Variants in NCOA1 observed in about 807,000 individuals in gnomAD.
The protein encoded by NCOA1 is nuclear receptor coactivator 1.
In NCOA1, 35 loss-of-function variants were observed where a neutral mutation model predicts 150.9. The ratio of observed to expected loss-of-function variants is 0.23; its 90% CI spans 0.18 to 0.31. The LOEUF (loss-of-function observed/expected upper bound fraction) is 0.31, where lower values mean the gene tolerates loss of function less well. Ranked by LOEUF, NCOA1 falls within the 10% of genes least tolerant of loss-of-function variation. The probability of loss-of-function intolerance (pLI) is 1.00; values close to 1 mark genes in which losing one functional copy is unlikely to be tolerated. For missense variants in NCOA1, 1,491 were observed against 1,749.3 expected, an observed-to-expected ratio of 0.85 and a Z score of 2.63; for synonymous variants, 590 against 630.0, an observed-to-expected ratio of 0.94 and a Z score of 0.95.
intron 19 of NCOA1, among the ~76,000 whole-genome samples, chr2:24,744,718 G>A (rs912786099): frequency 6.6e-6 from 1 of 152,186 alleles, no homozygotes; most frequent in Non-Finnish European, 1.5e-5. Flanking sequence ...CATGTTTCCA[G>A]GTTTGACAAA....
intron 10 of NCOA1, among the ~76,000 whole-genome samples, chr2:24,694,282 G>A (rs1258303910): frequency 6.6e-6 from 1 of 152,072 alleles, no homozygotes; most frequent in Non-Finnish European, 1.5e-5. Context: ...CTAACATGTT[G>A]TATGTTCATG....
In NCOA1 at chr2:24,726,616, T is replaced by C. The variant is rs138104918; in HGVS notation, c.2627T>C (p.Ile876Thr). 58 of 1,610,276 alleles carry C rather than the reference T, an allele frequency of 3.6e-5. No individual in the cohort carries two copies. In the African/African-American group the frequency reaches 5.1e-4, roughly 14 times the overall value. ...TTACCTGAGCTGGAATTGGAAGCAA[T>C]TGATAACCAATTTGGACAACCAGGA... ...NRLPELELEA[I>T]DNQFGQPGTG... Residue 876 changes from isoleucine (I) to threonine (T), a missense_variant, in exon 15 of 23, where the codon ATT (isoleucine) becomes ACT (threonine). Ile to Thr is a moderately conservative substitution (Grantham distance 89). Around this residue, in one of 8 missense-constraint regions of NCOA1, gnomAD observed 703 missense variants for 717.7 expected, o/e 0.98. Coordinates refer to ENST00000348332, the MANE Select transcript of NCOA1 (RefSeq NM_003743.5).
intron 5 of NCOA1, among the ~76,000 whole-genome samples, chr2:24,663,140 GA>G (rs1285233237): frequency 6.6e-6 from 1 of 152,026 alleles, no homozygotes; most frequent in Non-Finnish European, 1.5e-5. Flanking sequence ...ATCATGGCAA[GA>G]TCCCTGTGAT....
At chr2:24,500,223 CT>C (rs1383708751) in intron 1 of NCOA1, among the ~76,000 whole-genome samples, 1 of 152,170 alleles carries the variant, frequency 6.6e-6, no homozygotes, top group Non-Finnish European at 1.5e-5. Context: ...ATTCTCCTGC[CT>C]CAGATTCCCT....
chr2:24,627,922 A>C (rs187384580), intron 3 of NCOA1, among the ~76,000 whole-genome samples: 27 of 152,362 alleles, frequency 1.8e-4, no homozygotes, highest in Admixed American at 1.6e-3. Flanking sequence ...AATAGAGGCT[A>C]ATCTAGCAGT....
chr2:24,723,035 T>G (rs1210936628), intron 14 of NCOA1, among the ~76,000 whole-genome samples: 1 of 151,606 alleles, frequency 6.6e-6, no homozygotes, highest in Admixed American at 6.6e-5. Flanking sequence ...ATTTCATGGT[T>G]TTTGTATATT....
chr2:24,502,808 C>T (rs1333970149), intron 1 of NCOA1, among the ~76,000 whole-genome samples: 1 of 152,188 alleles, frequency 6.6e-6, no homozygotes, highest in Non-Finnish European at 1.5e-5. Context: ...CTTTACAGCT[C>T]AACTCAGATT....
Position 24,531,233 on chromosome 2 carries a change from T to C in NCOA1, c.-395-33062T>C, listed in dbSNP as rs542930704. 8.5e-5 allele frequency among the ~76,000 whole-genome samples: 13 copies of C among 152,240 alleles called. No individual in the cohort carries two copies. The East Asian group carries it at 2.5e-3, about 29-fold the overall frequency. ...TACCACACGACCCAGCAATCCCCCT[T>C]ATGGTTATATGTGCAAAGGAGATGA... On this transcript the variant is annotated intron_variant, in intron 1 of 22. Coordinates refer to ENST00000348332, the MANE Select transcript of NCOA1 (RefSeq NM_003743.5).
chr2:24,568,800 C>T (rs1458080888), intron 2 of NCOA1, among the ~76,000 whole-genome samples: 2 of 152,194 alleles, frequency 1.3e-5, no homozygotes, highest in African/African-American at 4.8e-5. Flanking sequence ...AAAGCAATTA[C>T]TGTCATGTAC....
chr2:24,752,252 G>A (rs1664288739), intron 20 of NCOA1, 96 bp downstream of exon 20: 2 of 1,384,550 alleles, frequency 1.4e-6, no homozygotes, highest in Admixed American at 5.0e-5. Flanking sequence ...GGAACATTAT[G>A]TAAAGTGAAA....
chr2:24,521,194 T>C (rs1351918964), intron 1 of NCOA1, among the ~76,000 whole-genome samples: 1 of 152,172 alleles, frequency 6.6e-6, no homozygotes, highest in Non-Finnish European at 1.5e-5. Flanking sequence ...TATATATATG[T>C]GTTGTGAAAT....
At chr2:24,685,732 G>A (rs371515670) in intron 8 of NCOA1, among the ~76,000 whole-genome samples, 3 of 152,256 alleles carry the variant, frequency 2.0e-5, no homozygotes, top group African/African-American at 7.2e-5. Context: ...TTCCTGGCTG[G>A]TATTAAATTC....
At chr2:24,603,297 ATGGTTGCTGACTAATCAGGATGG>A (rs1452519041) in intron 3 of NCOA1, among the ~76,000 whole-genome samples, 2 of 152,204 alleles carry the variant, frequency 1.3e-5, no homozygotes, top group South Asian at 2.1e-4. Context: ...CTCAATGTTG[ATGGTTGCTGACTAATCAGGATGG>A]TGGTTGCTGA....
intron 7 of NCOA1, among the ~76,000 whole-genome samples, chr2:24,677,758 G>C (rs1256121158): frequency 6.6e-6 from 1 of 152,168 alleles, no homozygotes; most frequent in Non-Finnish European, 1.5e-5. Context: ...GTTCCACATG[G>C]CTAGGGAAGC....
chr2:24,693,136 G>A (rs1415261108), intron 9 of NCOA1, 116 bp from the exon 10 acceptor site: 3 of 948,748 alleles, frequency 3.2e-6, no homozygotes, highest in Non-Finnish European at 5.0e-6. Context: ...TTACAGGCGT[G>A]AGCCACCACG....
intron 1 of NCOA1, among the ~76,000 whole-genome samples, chr2:24,514,285 C>CAAAAAAAAAAAAAAAAA (rs57412614): frequency 3.0e-5 from 1 of 32,948 alleles, no homozygotes. Context: ...GACTCTGTCT[C>CAAAAAAAAAAAAAAAAA]AAAAAAAAAA....
At chr2:24,689,670 C>T (rs952599661) in intron 8 of NCOA1, among the ~76,000 whole-genome samples, 3 of 152,176 alleles carry the variant, frequency 2.0e-5, no homozygotes, top group Admixed American at 6.5e-5. Flanking sequence ...GGATTACAGG[C>T]GTGAGCCGCC....
At chr2:24,723,120 A>T (rs902487529) in intron 14 of NCOA1, among the ~76,000 whole-genome samples, 1 of 152,180 alleles carries the variant, frequency 6.6e-6, no homozygotes, top group Non-Finnish European at 1.5e-5. Flanking sequence ...ATAGTGAAAA[A>T]TATCTTTCCT....
intron 1 of NCOA1, among the ~76,000 whole-genome samples, chr2:24,535,620 C>T (rs1473049169): frequency 6.6e-6 from 1 of 152,146 alleles, no homozygotes; most frequent in East Asian, 1.9e-4. Context: ...GTGCTTCCTT[C>T]AGGAGCTCTT....
Sources: allele counts gnomAD v4.1 joint callset (sites outside exome capture counted in the v4.1 genomes callset), GRCh38; gene constraint gnomAD v4.1.1; regional missense constraint gnomAD v4.1.1; transcripts MANE v1.5; gene names NCBI Gene and HGNC (gene_info 2026-07-23, HGNC 2026-07-21).